The following CDH23 variants were observed in gnomAD, a reference collection of about 807,000 sequenced individuals.
CDH23 encodes cadherin related 23.
Under a neutral mutation model 317.1 loss-of-function variants are expected in CDH23, and 189 were observed. The observed-to-expected ratio is 0.60, with a 90% CI of 0.53 to 0.67. The LOEUF (loss-of-function observed/expected upper bound fraction) is 0.67. Among genes scored for constraint, CDH23 ranks in the 30% least tolerant of loss-of-function variants. The pLI is 0.00. For missense variants in CDH23, 4,401 were observed against 4,592.4 expected (o/e 0.96, Z 1.20); for synonymous variants, 1,839 against 1,876.8 (o/e 0.98, Z 0.52).
intron 8 of CDH23, among the ~76,000 whole-genome samples, chr10:71,577,691 T>A (rs1402811267): frequency 6.6e-6 from 1 of 152,328 alleles, no homozygotes; most frequent in East Asian, 1.9e-4. Flanking sequence ...AGGGGAATGA[T>A]AACATCGGTA....
rs2132938032 is a variant in CDH23 at position 71,784,288 on chromosome 10, G to A, written c.5370G>A (p.Gly1790=). The change falls in exon 42 of 70, where the codon GGG becomes GGA. Residue 1790 remains glycine (G), a splice_region_variant and synonymous_variant. Coordinates refer to ENST00000224721, the MANE Select transcript of CDH23 (RefSeq NM_022124.6). ...EYSIMDGDPL[G]EFVISPVEGV... ...TGGGCCTCTCCTGGTGACACCCAGGGGAGTTTGTGATCTCTCCTGTGGAGG... is the reference window on the plus strand; with the variant it reads ...TGGGCCTCTCCTGGTGACACCCAGGAGAGTTTGTGATCTCTCCTGTGGAGG... 6.2e-7 allele frequency: 1 copy of A among 1,613,084 alleles called. No individual in the cohort carries two copies. Among genetic ancestry groups the A allele is most frequent in the Non-Finnish European group, 8.5e-7 (1 of 1,179,310 alleles).
chr10:71,793,322 A>T lies in CDH23; in HGVS notation c.6394A>T (p.Ile2132Phe). The T allele has an allele frequency of 6.2e-7, 1 of 1,613,994 alleles. No individual in the cohort carries two copies. The highest frequency in any genetic ancestry group is 1.1e-5 in the South Asian group (1 of 91,082). The stretch of plus-strand genomic sequence containing the variant: ...GGTCATCCGTGTTGGTAATGCCACC[A>T]TCGACAGAGAGGAGCAGGAGTCCTA... ...TGVIRVGNAT[I>F]DREEQESYRL... The change falls in exon 48 of 70, where the codon ATC becomes TTC. Residue 2132 changes from isoleucine (I) to phenylalanine (F), a missense_variant. Physicochemically the swap from Ile to Phe is conservative, Grantham distance 21. Transcript: ENST00000224721.
rs566501549 is a variant in CDH23 at position 71,640,565 on chromosome 10, T to C, written c.1135-3296T>C. Among the ~76,000 whole-genome samples the C allele has an allele frequency of 2.6e-5, 4 of 152,242 alleles. No individual in the cohort carries two copies. The South Asian group carries it at 6.2e-4, about 24-fold the overall frequency. ...GAAATCGAGACCAGCCTGACCACCA[T>C]GGTGAAACCCCGTCTCTACTAAAAA... is the stretch of plus-strand genomic sequence containing the variant. On this transcript the variant is annotated intron_variant, in intron 11 of 69. Coordinates refer to ENST00000224721, the MANE Select transcript of CDH23 (RefSeq NM_022124.6).
chr10:71,751,793 T>C lies in CDH23; in HGVS notation c.4845+9872T>C. ...CACATAGGACAGGGGGTGCCTGACT[T>C]TGGCCTCGGGTATCCCCTGGGCAGG... On this transcript the variant is annotated intron_variant, in intron 38 of 69. Transcript: ENST00000224721. The surrounding 1 kb of genome is among the most constrained non-coding windows in gnomAD (Gnocchi z 4.9). 6.3e-7 allele frequency: 1 copy of C among 1,598,382 alleles called. No homozygotes were observed. Among genetic ancestry groups the C allele is most frequent in the African/African-American group, 1.3e-5 (1 of 74,308 alleles).
chr10:71,679,679 A>G (rs1864532104), intron 17 of CDH23, among the ~76,000 whole-genome samples, 187 bp downstream of exon 17: 1 of 152,216 alleles, frequency 6.6e-6, no homozygotes, highest in Non-Finnish European at 1.5e-5. Context: ...CGTAGGGTCA[A>G]CATCTGTGTC....
intron 60 of CDH23, 63 bp downstream of exon 60, chr10:71,808,070 C>A: frequency 6.5e-7 from 1 of 1,539,922 alleles, no homozygotes; most frequent in Non-Finnish European, 8.8e-7. Context: ...CATGGACTGT[C>A]ATCTGGGGGG....
intron 1 of CDH23, among the ~76,000 whole-genome samples, chr10:71,398,922 G>A (rs972985503): frequency 4.6e-5 from 7 of 152,182 alleles, no homozygotes; most frequent in Non-Finnish European, 8.8e-5. Flanking sequence ...TCCTGGCCCC[G>A]TCTGTGCTGG....
At chr10:71,406,800 G>A (rs1848117557) in intron 1 of CDH23, among the ~76,000 whole-genome samples, 1 of 152,172 alleles carries the variant, frequency 6.6e-6, no homozygotes, top group African/African-American at 2.4e-5. Context: ...GGCCCTTGGG[G>A]CCCATCAGTG....
At chr10:71,429,575 G>A (rs565214703) in intron 1 of CDH23, among the ~76,000 whole-genome samples, 16 of 152,346 alleles carry the variant, frequency 1.1e-4, no homozygotes, top group Non-Finnish European at 1.9e-4. Context: ...CAGGTTTGAG[G>A]CTGAGAGGGG....
chr10:71,810,622 T>TG (rs1036413338), intron 62 of CDH23, 53 bp downstream of exon 62: 2 of 1,531,052 alleles, frequency 1.3e-6, no homozygotes, highest in African/African-American at 1.4e-5. Context: ...CCTGCCTCCC[T>TG]GCCCTGGAGT....
At chr10:71,767,919 A>C (rs3747865) in intron 38 of CDH23, among the ~76,000 whole-genome samples, 1 of 152,112 alleles carries the variant, frequency 6.6e-6, no homozygotes, top group African/African-American at 2.4e-5. Flanking sequence ...ATGCCTCCCC[A>C]GGGAGGGCCT....
chr10:71,534,351 G>A (rs1435915722), intron 6 of CDH23, among the ~76,000 whole-genome samples: 1 of 152,118 alleles, frequency 6.6e-6, no homozygotes, highest in Non-Finnish European at 1.5e-5. Context: ...TCATGTCTGG[G>A]GGTCTTGGCT....
intron 22 of CDH23, among the ~76,000 whole-genome samples, chr10:71,698,182 C>T (rs1865462079): frequency 6.6e-6 from 1 of 152,040 alleles, no homozygotes; most frequent in Non-Finnish European, 1.5e-5. Flanking sequence ...GCCAGGAAAT[C>T]AGAAATCAAG....
chr10:71,624,642 A>G (rs1448196856), intron 11 of CDH23, among the ~76,000 whole-genome samples: 2 of 152,224 alleles, frequency 1.3e-5, no homozygotes, highest in East Asian at 1.9e-4. Flanking sequence ...TGAGGCTGCA[A>G]TGGGCTATGA....
chr10:71,734,347 T>C lies in CDH23; in HGVS notation c.4206+6T>C, dbSNP rs1337726128. 2 of 1,602,632 alleles carry C rather than the reference T, an allele frequency of 1.2e-6. No homozygotes were observed. The highest frequency in any genetic ancestry group is 1.7e-6 in the Non-Finnish European group (2 of 1,174,322). Reference sequence around the variant, plus strand: ...CCAAGGTGGACTCCACCGTGGTGAGTGGGACCAGGGTGAGAGTCCCTCAGG... The same window carrying C: ...CCAAGGTGGACTCCACCGTGGTGAGCGGGACCAGGGTGAGAGTCCCTCAGG... On this transcript the variant is annotated splice_donor_region_variant and intron_variant, in intron 33 of 69. Coordinates refer to ENST00000224721, the MANE Select transcript of CDH23 (RefSeq NM_022124.6).
chr10:71,525,384 A>T (rs1461764379), intron 6 of CDH23, among the ~76,000 whole-genome samples: 2 of 152,032 alleles, frequency 1.3e-5, no homozygotes, highest in Admixed American at 6.6e-5. Flanking sequence ...TCTAAAGTGC[A>T]CCCCTGAAGC....
intron 53 of CDH23, among the ~76,000 whole-genome samples, chr10:71,801,244 T>G (rs1841552245): frequency 7.8e-6 from 1 of 127,802 alleles, no homozygotes; most frequent in Middle Eastern, 5.1e-3. Context: ...AACCTCCACC[T>G]CCCAGGTTCA....
intron 36 of CDH23, among the ~76,000 whole-genome samples, chr10:71,740,137 G>T (rs1839693775): frequency 6.6e-6 from 1 of 152,188 alleles, no homozygotes; most frequent in South Asian, 2.1e-4. Flanking sequence ...CCCCACCTAT[G>T]CAATGTACAA....
chr10:71,455,042 A>G (rs145752506), intron 3 of CDH23, among the ~76,000 whole-genome samples: 7 of 152,140 alleles, frequency 4.6e-5, no homozygotes, highest in Non-Finnish European at 1.0e-4. Flanking sequence ...GAGTCTTGCT[A>G]TGTTGCCCAG....
Sources: gnomAD v4.1 joint callset for allele counts (sites outside exome capture counted in the v4.1 genomes callset) on GRCh38, gnomAD v4.1.1 for gene constraint, Gnocchi (gnomAD v3.1) non-coding constraint, MANE v1.5 for transcripts, NCBI Gene and HGNC (gene_info 2026-07-23, HGNC 2026-07-21) for gene names.